The following SLC24A2 variants were observed in gnomAD, a reference collection of about 807,000 sequenced individuals.
SLC24A2 encodes sodium/potassium/calcium exchanger 2.
SLC24A2 carries 36 observed loss-of-function variants against 62.0 expected under a neutral mutation model. The observed-to-expected ratio is 0.58, with a 90% CI of 0.44 to 0.77. The LOEUF (loss-of-function observed/expected upper bound fraction) is 0.77, where lower values mean the gene tolerates loss of function less well. Ranked by LOEUF, SLC24A2 falls within the 30% of genes least tolerant of loss-of-function variation. SLC24A2 has a pLI of 0.00. For synonymous variants in SLC24A2, 358 were observed against 294.0 expected, an observed-to-expected ratio of 1.22 and a Z score of -2.23; for missense variants, 846 against 817.9, an observed-to-expected ratio of 1.03 and a Z score of -0.42.
the SLC24A2 span, among the ~76,000 whole-genome samples, chr9:20,204,415 C>G: frequency 6.6e-6 from 1 of 152,180 alleles, no homozygotes; most frequent in Non-Finnish European, 1.5e-5. Context: ...TTGCATTTGT[C>G]CAGTATCAGA....
the SLC24A2 span, among the ~76,000 whole-genome samples, chr9:19,888,395 AC>A: frequency 6.6e-6 from 1 of 152,010 alleles, no homozygotes; most frequent in Non-Finnish European, 1.5e-5. Context: ...CATTGATAAA[AC>A]CTAAAGTGAC....
the SLC24A2 span, among the ~76,000 whole-genome samples, chr9:20,268,410 C>T: frequency 6.6e-6 from 1 of 152,064 alleles, no homozygotes; most frequent in South Asian, 2.1e-4. Context: ...GGGCTCTGTC[C>T]TTGTGAATGG....
At chr9:20,040,297 G>C in the SLC24A2 span, among the ~76,000 whole-genome samples, 1 of 152,202 alleles carries the variant, frequency 6.6e-6, no homozygotes, top group African/African-American at 2.4e-5. Context: ...ATAGGTATAT[G>C]GGAGAAGTTT....
chr9:19,995,261 A>T, the SLC24A2 span, among the ~76,000 whole-genome samples: 1 of 152,164 alleles, frequency 6.6e-6, no homozygotes, highest in Non-Finnish European at 1.5e-5. Flanking sequence ...TAAAATATTA[A>T]TCAATTCAAC....
At chr9:19,707,723 C>G (rs904452654) in intron 2 of SLC24A2, among the ~76,000 whole-genome samples, 5 of 152,164 alleles carry the variant, frequency 3.3e-5, no homozygotes, top group Non-Finnish European at 7.3e-5. Flanking sequence ...GCTTAAAACT[C>G]TCAATAAATT....
At chr9:20,008,654 T>C in the SLC24A2 span, among the ~76,000 whole-genome samples, 1 of 152,082 alleles carries the variant, frequency 6.6e-6, no homozygotes, top group East Asian at 1.9e-4. Context: ...GAATATGACA[T>C]CTTTGTAGTC....
At position 19,573,529 on chromosome 9, in the gene SLC24A2, C is replaced by CACACACACAGAGAGAG. The variant is rs1390433234; in HGVS notation, c.1229-61_1229-60insCTCTCTCTGTGTGTGT. ...ACACACACACACACACACACACACA[C>CACACACACAGAGAGAG]AGAGAGAGAGAGAGAGAGAGAGAGA... On this transcript the variant is annotated intron_variant, in intron 6 of 10. Coordinates refer to ENST00000341998, the MANE Select transcript of SLC24A2 (RefSeq NM_020344.4). 144 of 432,346 alleles carry CACACACACAGAGAGAG rather than the reference C, an allele frequency of 3.3e-4. 1 individual carries two copies. In the Admixed American group the frequency reaches 3.5e-3, roughly 10 times the overall value. 26.8% of individuals were successfully genotyped at this position (432,346 alleles called of 1,614,324 possible).
At chr9:19,977,953 A>G in the SLC24A2 span, among the ~76,000 whole-genome samples, 1 of 152,166 alleles carries the variant, frequency 6.6e-6, no homozygotes, top group Non-Finnish European at 1.5e-5. Context: ...GGGTGGACAG[A>G]TAAGTGATGG....
At chr9:19,710,517 G>C (rs1409839592) in intron 2 of SLC24A2, among the ~76,000 whole-genome samples, 1 of 152,146 alleles carries the variant, frequency 6.6e-6, no homozygotes, top group Non-Finnish European at 1.5e-5. Context: ...CAGACAGTGG[G>C]AATAACACAT....
intron 2 of SLC24A2, among the ~76,000 whole-genome samples, chr9:19,715,458 C>A (rs1820831836): frequency 6.6e-6 from 1 of 152,148 alleles, no homozygotes; most frequent in Non-Finnish European, 1.5e-5. Context: ...TGATGGAACC[C>A]CTTGGGAAGT....
At chr9:20,081,492 G>T in the SLC24A2 span, among the ~76,000 whole-genome samples, 9 of 113,582 alleles carry the variant, frequency 7.9e-5, no homozygotes, top group African/African-American at 1.5e-4. Flanking sequence ...GTGGGGGGAG[G>T]GGGGGAGGGA....
At chr9:19,622,331 C>A in intron 2 of SLC24A2, 32 bp from the exon 3 acceptor site, 1 of 1,601,090 alleles carries the variant, frequency 6.2e-7, no homozygotes, top group Non-Finnish European at 8.6e-7. Flanking sequence ...AGACAAAAGA[C>A]AAAGAAATAA....
intron 2 of SLC24A2, among the ~76,000 whole-genome samples, chr9:19,660,637 C>T (rs1819068436): frequency 6.6e-6 from 1 of 152,260 alleles, no homozygotes; most frequent in Admixed American, 6.5e-5. Flanking sequence ...AGGGAAAGCA[C>T]TGTATTAGTA....
At chr9:20,048,939 AT>A in the SLC24A2 span, among the ~76,000 whole-genome samples, 11 of 138,166 alleles carry the variant, frequency 8.0e-5, no homozygotes, top group Non-Finnish European at 1.3e-4. Context: ...ATTTATTTTT[AT>A]TTTTTATTAT....
chr9:19,566,099 G>C (rs924178299), intron 7 of SLC24A2, among the ~76,000 whole-genome samples: 1 of 152,174 alleles, frequency 6.6e-6, no homozygotes, highest in Non-Finnish European at 1.5e-5. Context: ...GGCAACAGAA[G>C]TCAAAATTGA....
At chr9:19,812,138 A>C in the SLC24A2 span, among the ~76,000 whole-genome samples, 89 of 152,186 alleles carry the variant, frequency 5.8e-4, no homozygotes, top group Non-Finnish European at 1.2e-3. Context: ...CTTTCCATTT[A>C]ATTGTTGTTA....
At chr9:19,855,774 C>G in the SLC24A2 span, among the ~76,000 whole-genome samples, 2 of 152,154 alleles carry the variant, frequency 1.3e-5, no homozygotes, top group Non-Finnish European at 2.9e-5. Flanking sequence ...TGGGGTTGAT[C>G]TTCTCATGGA....
At chr9:20,190,775 T>C in the SLC24A2 span, among the ~76,000 whole-genome samples, 1 of 152,236 alleles carries the variant, frequency 6.6e-6, no homozygotes, top group Admixed American at 6.5e-5. Flanking sequence ...GCTTTGCTAC[T>C]TAGCAATTGT....
chr9:19,518,986 T>A (rs1833065048), intron 10 of SLC24A2, among the ~76,000 whole-genome samples: 1 of 152,112 alleles, frequency 6.6e-6, no homozygotes, highest in Non-Finnish European at 1.5e-5. Context: ...AACAAATAAT[T>A]AAAAGAGGAG....
Sources: gnomAD v4.1 joint callset for allele counts (sites outside exome capture counted in the v4.1 genomes callset) on GRCh38, gnomAD v4.1.1 for gene constraint, MANE v1.5 for transcripts, NCBI Gene and HGNC (gene_info 2026-07-23, HGNC 2026-07-21) for gene names.